The following SUFU variants were observed in gnomAD, a reference collection of about 807,000 sequenced individuals.
The protein encoded by SUFU is SUFU negative regulator of hedgehog signaling.
Under a neutral mutation model 58.9 loss-of-function variants are expected in SUFU, and 7 were observed. The observed-to-expected ratio is 0.12, with a 90% CI of 0.07 to 0.22. SUFU has a LOEUF of 0.22. SUFU is among the 10% of genes least tolerant of loss of function. The pLI is 1.00. For missense variants in SUFU, 451 were observed against 641.3 expected, an observed-to-expected ratio of 0.70 and a Z score of 3.20; for synonymous variants, 232 against 254.8, an observed-to-expected ratio of 0.91 and a Z score of 0.85.
At chr10:102,579,838 T>G (rs1186797731) in intron 3 of SUFU, 1 of 985,276 alleles carries the variant, frequency 1.0e-6, no homozygotes, top group Non-Finnish European at 1.2e-6. Context: ...TAAAACTGCA[T>G]CCAGAACTTT....
intron 2 of SUFU, among the ~76,000 whole-genome samples, chr10:102,528,613 C>T (rs185929084): frequency 2.0e-5 from 3 of 152,122 alleles, no homozygotes; most frequent in Non-Finnish European, 4.4e-5. Context: ...TTCCAGGAAA[C>T]CCTTTGCTCA....
intron 2 of SUFU, among the ~76,000 whole-genome samples, chr10:102,536,732 A>G (rs1471943859): frequency 6.6e-6 from 1 of 152,180 alleles, no homozygotes; most frequent in African/African-American, 2.4e-5. Context: ...ATTTTGAATC[A>G]TACTTTATGT....
At chr10:102,614,569 A>C (rs1489496716) in intron 8 of SUFU, among the ~76,000 whole-genome samples, 1 of 146,428 alleles carries the variant, frequency 6.8e-6, no homozygotes, top group Non-Finnish European at 1.5e-5. Flanking sequence ...AAAAAAAAAA[A>C]CGAAACAAAA....
intron 2 of SUFU, among the ~76,000 whole-genome samples, chr10:102,536,716 A>C (rs867129045): frequency 5.9e-5 from 9 of 152,140 alleles, no homozygotes; most frequent in South Asian, 2.1e-4. Context: ...TCGTATTTAC[A>C]TCAACATTTT....
At chr10:102,514,278 G>A (rs1041074123) in intron 2 of SUFU, among the ~76,000 whole-genome samples, 4 of 152,146 alleles carry the variant, frequency 2.6e-5, no homozygotes, top group African/African-American at 7.2e-5. Flanking sequence ...AGGCAGAAGC[G>A]AGGGGTCCTC....
chr10:102,614,263 T>C (rs2063658275), intron 8 of SUFU, among the ~76,000 whole-genome samples: 5 of 152,066 alleles, frequency 3.3e-5, no homozygotes, highest in Admixed American at 3.3e-4. Flanking sequence ...AACTTTAATA[T>C]AGAATGTTGG....
rs778922691 is a variant in SUFU, at chr10:102,630,048, T to C, written c.1366-18T>C. The stretch of plus-strand genomic sequence containing the variant: ...GCTAACCACTCACACTCCTGGTCTG[T>C]GCTTGCTCCCTCCACAGTTCAAACT... On this transcript the variant is annotated intron_variant, in intron 11 of 11. Coordinates refer to ENST00000369902, the MANE Select transcript of SUFU (RefSeq NM_016169.4). 19 of 1,611,970 alleles carry C rather than the reference T, an allele frequency of 1.2e-5. No homozygotes were observed. The highest frequency in any genetic ancestry group is 1.6e-5 in the Non-Finnish European group (19 of 1,178,118).
At chr10:102,592,435 C>A in intron 3 of SUFU, 147 bp from the exon 4 acceptor site, 1 of 869,080 alleles carries the variant, frequency 1.2e-6, no homozygotes, top group Non-Finnish European at 1.8e-6. Flanking sequence ...TCTTTGCTTC[C>A]ATCCGGAGTG....
In SUFU at chr10:102,586,440, G is replaced by A. The variant is rs56083515; in HGVS notation, c.455-6142G>A. ...TGTAATCCCAGCACTTTGGGAGGCC[G>A]AGGCGGGTGGATCATGAGGTCAGGA... On this transcript the variant is annotated intron_variant, in intron 3 of 11. Transcript: ENST00000369902. Among the ~76,000 whole-genome samples, 21 of 151,996 alleles carry A rather than the reference G, an allele frequency of 1.4e-4. No individual in the cohort carries two copies. In the South Asian group the frequency reaches 3.9e-3, roughly 29 times the overall value.
chr10:102,577,890 C>T (rs1342862528), intron 3 of SUFU, among the ~76,000 whole-genome samples: 3 of 145,254 alleles, frequency 2.1e-5, no homozygotes, highest in Non-Finnish European at 4.5e-5. Context: ...ACCATGTTAG[C>T]CAGGATGGTC....
chr10:102,568,923 CATATATATATATATATATAT>C (rs1166324733), intron 3 of SUFU, among the ~76,000 whole-genome samples: 14 of 39,094 alleles, frequency 3.6e-4, no homozygotes, highest in African/African-American at 1.7e-3. Flanking sequence ...TATATATACA[CATATATATATATATATATAT>C]ATATATATAT....
At chr10:102,505,915 G>T (rs1208404471) in intron 1 of SUFU, among the ~76,000 whole-genome samples, 1 of 152,048 alleles carries the variant, frequency 6.6e-6, no homozygotes, top group Non-Finnish European at 1.5e-5. Context: ...AGAAAAGTGG[G>T]CCTGGGCTGG....
chr10:102,569,198 G>C (rs920730494), intron 3 of SUFU, among the ~76,000 whole-genome samples: 6 of 151,858 alleles, frequency 4.0e-5, no homozygotes, highest in African/African-American at 1.5e-4. Context: ...AGATTTTACA[G>C]TTTGGCACAT....
intron 4 of SUFU, 115 bp from the exon 5 acceptor site, chr10:102,593,521 C>A: frequency 1.9e-6 from 2 of 1,040,202 alleles, no homozygotes; most frequent in Non-Finnish European, 1.5e-6. Context: ...CTCCTGAGCA[C>A]AGATCCTGCC....
At chr10:102,579,873 G>A in intron 3 of SUFU, 2 of 985,232 alleles carry the variant, frequency 2.0e-6, no homozygotes, top group Non-Finnish European at 1.2e-6. Flanking sequence ...GTGAGGGTAG[G>A]GGTTAATTCT....
intron 7 of SUFU, among the ~76,000 whole-genome samples, chr10:102,598,217 A>T (rs1388895033): frequency 6.6e-6 from 1 of 151,396 alleles, no homozygotes; most frequent in Non-Finnish European, 1.5e-5. Flanking sequence ...CAGTGGGTTG[A>T]TCTTGGCTCA....
Position 102,619,235 on chromosome 10 carries a change from C to T in SUFU, c.1296+1807C>T. 2.0e-6 allele frequency: 3 copies of T among 1,507,692 alleles called. No homozygotes were observed. The highest frequency in any genetic ancestry group is 2.0e-5 in the Admixed American group (1 of 49,508). 93.4% of individuals were successfully genotyped at this position (1,507,692 alleles called of 1,614,324 possible). A position where few individuals can be genotyped will look rare whatever the true frequency, so the allele number is the denominator to read the frequency against. Reference sequence around the variant, plus strand: ...CCCCTGAATGCCCTTCGGACCCAACCCCAATTCCCCAAGCCCCTGACCCCC... The same window carrying T: ...CCCCTGAATGCCCTTCGGACCCAACTCCAATTCCCCAAGCCCCTGACCCCC... On this transcript the variant is annotated intron_variant, in intron 10 of 11. Coordinates refer to ENST00000369902, the MANE Select transcript of SUFU (RefSeq NM_016169.4). The surrounding 1 kb of genome is among the most constrained non-coding windows in gnomAD (Gnocchi z 4.2).
intron 3 of SUFU, among the ~76,000 whole-genome samples, chr10:102,556,795 G>A (rs1021326326): frequency 6.7e-6 from 1 of 148,650 alleles, no homozygotes; most frequent in Non-Finnish European, 1.5e-5. Context: ...GAGGAAGGAA[G>A]GAAGGAAGAT....
At chr10:102,598,320 A>G (rs1274444535) in intron 7 of SUFU, among the ~76,000 whole-genome samples, 1 of 152,022 alleles carries the variant, frequency 6.6e-6, no homozygotes, top group Non-Finnish European at 1.5e-5. Flanking sequence ...CGCCCAGCTA[A>G]TTTTTGTATT....
Sources: allele counts gnomAD v4.1 joint callset (sites outside exome capture counted in the v4.1 genomes callset), GRCh38; gene constraint gnomAD v4.1.1; non-coding constraint Gnocchi (gnomAD v3.1); transcripts MANE v1.5; gene names NCBI Gene and HGNC (gene_info 2026-07-23, HGNC 2026-07-21).